The following HCN1 variants were observed in gnomAD, a reference collection of about 807,000 sequenced individuals.
The protein encoded by HCN1 is potassium/sodium hyperpolarization-activated cyclic nucleotide-gated channel 1.
HCN1 carries 13 observed loss-of-function variants against 78.9 expected under a neutral mutation model. That is an observed-to-expected ratio of 0.16 (90% CI 0.11 to 0.26). The LOEUF (loss-of-function observed/expected upper bound fraction) is 0.26, where lower values mean the gene tolerates loss of function less well. Ranked by LOEUF, HCN1 falls within the 10% of genes least tolerant of loss-of-function variation. HCN1 has a pLI of 1.00. For synonymous variants in HCN1, 552 were observed against 455.5 expected, an observed-to-expected ratio of 1.21 and a Z score of -2.70; for missense variants, 810 against 1,154.3, an observed-to-expected ratio of 0.70 and a Z score of 4.32.
intron 5 of HCN1, among the ~76,000 whole-genome samples, chr5:45,319,793 G>C (rs1344883051): frequency 6.6e-6 from 1 of 151,126 alleles, no homozygotes; most frequent in African/African-American, 2.4e-5. Flanking sequence ...TCTGTATTTT[G>C]GAATTCTAAA....
At chr5:45,547,494 C>T (rs1743254228) in intron 2 of HCN1, among the ~76,000 whole-genome samples, 1 of 151,850 alleles carries the variant, frequency 6.6e-6, no homozygotes, top group South Asian at 2.1e-4. Flanking sequence ...ATCAAATTAG[C>T]AGTCACCCTA....
intron 3 of HCN1, among the ~76,000 whole-genome samples, chr5:45,460,027 T>A (rs1741114216): frequency 6.6e-6 from 1 of 152,156 alleles, no homozygotes. Context: ...TTATCGAAAC[T>A]ACCATATAGA....
rs750680736 is a variant in HCN1 at position 45,262,576 on chromosome 5, A to T, written c.2018T>A (p.Leu673Gln). 3.1e-6 allele frequency: 5 copies of T among 1,613,932 alleles called. No homozygotes were observed. The South Asian group carries it at 4.4e-5, about 14-fold the overall frequency. Residue 673 changes from leucine to glutamine, a missense_variant, in exon 8 of 8, where the codon CTG becomes CAG. Transcript: ENST00000303230. ...GGGGGAGTGCAGGTTGCTGTGAGAC[A>T]GGCTGGTCGCTGTGTACACCGGTGG... ...QSPPVYTATS[L>Q]SHSNLHSPSP...
intron 2 of HCN1, chr5:45,642,727 C>G (rs1045835917): frequency 6.6e-6 from 1 of 152,084 alleles, no homozygotes; most frequent in East Asian, 1.9e-4. Flanking sequence ...GTAAACACAT[C>G]CTGGTGACAT....
At chr5:45,346,374 T>C (rs957409883) in intron 5 of HCN1, among the ~76,000 whole-genome samples, 2 of 151,988 alleles carry the variant, frequency 1.3e-5, no homozygotes, top group Non-Finnish European at 2.9e-5. Flanking sequence ...ATATGAATAA[T>C]GGTTGGCAGC....
chr5:45,565,758 C>T (rs1358956027), intron 2 of HCN1, among the ~76,000 whole-genome samples: 1 of 152,052 alleles, frequency 6.6e-6, no homozygotes, highest in Non-Finnish European at 1.5e-5. Flanking sequence ...GACCCATGAT[C>T]ACACCACTGC....
At chr5:45,265,937 G>C (rs1744847673) in intron 7 of HCN1, among the ~76,000 whole-genome samples, 2 of 152,122 alleles carry the variant, frequency 1.3e-5, no homozygotes, top group South Asian at 2.1e-4. Context: ...GCTTAGTAGG[G>C]AGTGGGAGGT....
intron 5 of HCN1, among the ~76,000 whole-genome samples, chr5:45,323,639 T>A (rs1746173080): frequency 6.6e-6 from 1 of 152,020 alleles, no homozygotes; most frequent in Admixed American, 6.6e-5. Flanking sequence ...TATGTATACA[T>A]GTGCCATGTT....
chr5:45,645,081 G>C, intron 2 of HCN1, 104 bp downstream of exon 2: 1 of 831,178 alleles, frequency 1.2e-6, no homozygotes, highest in Non-Finnish European at 1.9e-6. Flanking sequence ...TTTTCTACTT[G>C]AATTTCATAA....
At chr5:45,634,959 G>A (rs1426908886) in intron 2 of HCN1, among the ~76,000 whole-genome samples, 2 of 152,040 alleles carry the variant, frequency 1.3e-5, no homozygotes, top group Non-Finnish European at 2.9e-5. Flanking sequence ...CACAAAGCTA[G>A]TTGATCTCCC....
At chr5:45,406,554 C>T (rs917488275) in intron 3 of HCN1, among the ~76,000 whole-genome samples, 1 of 152,166 alleles carries the variant, frequency 6.6e-6, no homozygotes, top group African/African-American at 2.4e-5. Context: ...AATCACAGAT[C>T]TGTCTGAACC....
intron 4 of HCN1, among the ~76,000 whole-genome samples, chr5:45,372,617 A>G (rs1307285341): frequency 7.8e-6 from 1 of 128,878 alleles, no homozygotes; most frequent in African/African-American, 3.1e-5. Flanking sequence ...AACATTTTAT[A>G]TAAAAATATA....
chr5:45,348,331 C>A lies in HCN1; in HGVS notation c.1377+4769G>T, dbSNP rs113072591. 5.3e-5 allele frequency among the ~76,000 whole-genome samples: 8 copies of A among 152,214 alleles called. 1 individual carries two copies. The highest frequency in any genetic ancestry group is 1.9e-4 in the African/African-American group (8 of 41,524). On this transcript the variant is annotated intron_variant, in intron 5 of 7. Transcript: ENST00000303230. The stretch of plus-strand genomic sequence containing the variant: ...AAGCAAATGCTGAGAGATTTTGTCA[C>A]CAGCAGGCCTGCCCTAAAAGAGCTC...
chr5:45,656,649 G>C (rs918416191), intron 1 of HCN1, among the ~76,000 whole-genome samples: 32 of 152,130 alleles, frequency 2.1e-4, no homozygotes, highest in Admixed American at 1.9e-3. Flanking sequence ...TATCCCAAGA[G>C]TTTGCTCCTA....
At chr5:45,613,175 C>A (rs1744874955) in intron 2 of HCN1, among the ~76,000 whole-genome samples, 2 of 125,478 alleles carry the variant, frequency 1.6e-5, no homozygotes, top group Admixed American at 9.9e-5. Context: ...CCACAACAGT[C>A]CCCAGAGTGT....
At chr5:45,290,582 C>T (rs1044334794) in intron 6 of HCN1, among the ~76,000 whole-genome samples, 1 of 151,776 alleles carries the variant, frequency 6.6e-6, no homozygotes, top group African/African-American at 2.4e-5. Context: ...AAAAAGACAC[C>T]ATTTATTAGA....
intron 1 of HCN1, among the ~76,000 whole-genome samples, chr5:45,674,033 A>T (rs1233970124): frequency 6.6e-6 from 1 of 151,616 alleles, no homozygotes; most frequent in African/African-American, 2.4e-5. Context: ...ATACCAAGGC[A>T]TTAAGTGAAA....
chr5:45,368,847 C>T (rs1412125504), intron 4 of HCN1, among the ~76,000 whole-genome samples: 2 of 151,982 alleles, frequency 1.3e-5, no homozygotes, highest in Non-Finnish European at 2.9e-5. Context: ...TTTTCCATTA[C>T]AGTTTCATTG....
intron 5 of HCN1, among the ~76,000 whole-genome samples, chr5:45,312,617 C>T (rs1235518444): frequency 6.6e-6 from 1 of 152,178 alleles, no homozygotes; most frequent in African/African-American, 2.4e-5. Context: ...CCTTTCCTAG[C>T]CAAGGGAAGC....
Sources: gnomAD v4.1 joint callset for allele counts (sites outside exome capture counted in the v4.1 genomes callset) on GRCh38, gnomAD v4.1.1 for gene constraint, MANE v1.5 for transcripts, NCBI Gene and HGNC (gene_info 2026-07-23, HGNC 2026-07-21) for gene names.